Variants in ORC3 observed in about 807,000 individuals in gnomAD.
ORC3 encodes origin recognition complex subunit 3.
A neutral mutation model predicts 100.7 loss-of-function variants in ORC3; 78 were observed. That is an observed-to-expected ratio of 0.77 (90% confidence interval 0.65 to 0.94). ORC3 has a LOEUF of 0.94. Among genes scored for constraint, ORC3 ranks in the 40% least tolerant of loss-of-function variants. The pLI, the probability that ORC3 is intolerant of heterozygous loss-of-function variation, is 0.00. For missense variants in ORC3, 789 were observed against 823.9 expected (o/e 0.96, Z 0.52); for synonymous variants, 295 against 289.3 (o/e 1.02, Z -0.20).
Position 87,612,116 on chromosome 6 carries a change from A to G in ORC3, c.741A>G (p.Ile247Met). Residue 247 changes from isoleucine to methionine, a missense_variant, in exon 8 of 20, where the codon ATA becomes ATG. By Grantham distance (10) the Ile-to-Met change is conservative (BLOSUM62 1). Coordinates refer to ENST00000392844, the MANE Select transcript of ORC3 (RefSeq NM_012381.4). ...SSQHLHEFPL[I>M]LIFGIATSPI... is the part of the protein sequence containing the mutation. ...AACATCTCCATGAATTTCCACTAAT[A>G]CTCATTTTTGGAATAGCCACATCTC... 1 of 1,612,002 alleles carries G rather than the reference A, an allele frequency of 6.2e-7. No individual in the cohort carries two copies. The highest frequency in any genetic ancestry group is 8.5e-7 in the Non-Finnish European group (1 of 1,179,536).
intron 11 of ORC3, 103 bp downstream of exon 11, chr6:87,622,116 A>G: frequency 1.3e-6 from 1 of 770,868 alleles, no homozygotes; most frequent in Non-Finnish European, 2.2e-6. Flanking sequence ...TGTGCATCTT[A>G]ATATTTATAC....
intron 11 of ORC3, among the ~76,000 whole-genome samples, chr6:87,628,373 T>C (rs2128272468): frequency 6.6e-6 from 1 of 152,332 alleles, no homozygotes; most frequent in Middle Eastern, 3.4e-3. Context: ...CAATGTACAT[T>C]TGTAGGTGAT....
At chr6:87,614,675 G>T (rs909726951) in intron 8 of ORC3, among the ~76,000 whole-genome samples, 12 of 152,122 alleles carry the variant, frequency 7.9e-5, no homozygotes, top group Non-Finnish European at 1.6e-4. Flanking sequence ...CAAGTTCAAA[G>T]TTCCACAAAT....
Position 87,597,089 on chromosome 6 carries a change from A to G in ORC3, c.79+2682A>G, listed in dbSNP as rs537818252. 3.3e-5 allele frequency among the ~76,000 whole-genome samples: 5 copies of G among 152,292 alleles called. No individual in the cohort carries two copies. In the South Asian group the frequency reaches 1.0e-3, roughly 32 times the overall value. On this transcript the variant is annotated intron_variant, in intron 2 of 19. Transcript: ENST00000392844. ...TCTTGGGACCAGAAGTGTTTTGGTT[A>G]TTGGAATTTTTTCAGATTTTGAAAT... is the stretch of plus-strand genomic sequence containing the variant.
intron 11 of ORC3, among the ~76,000 whole-genome samples, chr6:87,631,681 G>A (rs139887624): frequency 6.6e-6 from 1 of 151,772 alleles, no homozygotes; most frequent in Admixed American, 6.6e-5. Context: ...TTACTAGAGA[G>A]GGGGTTTTGC....
At chr6:87,627,896 C>G (rs1780041174) in intron 11 of ORC3, among the ~76,000 whole-genome samples, 1 of 152,148 alleles carries the variant, frequency 6.6e-6, no homozygotes, top group East Asian at 1.9e-4. Flanking sequence ...ACCTCATTTT[C>G]TTAAGCTAGA....
intron 13 of ORC3, among the ~76,000 whole-genome samples, chr6:87,643,891 A>G (rs1018215901): frequency 3.9e-5 from 6 of 152,008 alleles, no homozygotes; most frequent in African/African-American, 7.2e-5. Context: ...AATCATGTCT[A>G]CTTTTTACTT....
intron 11 of ORC3, among the ~76,000 whole-genome samples, chr6:87,627,587 C>T (rs1780017378): frequency 6.6e-6 from 1 of 152,012 alleles, no homozygotes; most frequent in Non-Finnish European, 1.5e-5. Context: ...TGAGCCACCA[C>T]ACCCAGCCAA....
At chr6:87,596,324 C>T (rs1324821651) in intron 2 of ORC3, among the ~76,000 whole-genome samples, 9 of 151,616 alleles carry the variant, frequency 5.9e-5, no homozygotes, top group East Asian at 1.9e-4. Flanking sequence ...TAGTAGAGAT[C>T]GGGTTTCACT....
At chr6:87,663,426 T>C (rs987304106) in intron 17 of ORC3, among the ~76,000 whole-genome samples, 3 of 152,236 alleles carry the variant, frequency 2.0e-5, no homozygotes, top group African/African-American at 7.2e-5. Flanking sequence ...CTTGAGAGTA[T>C]AATGTTACCA....
At chr6:87,651,952 G>A (rs1769304828) in intron 13 of ORC3, among the ~76,000 whole-genome samples, 1 of 150,040 alleles carries the variant, frequency 6.7e-6, no homozygotes, top group Non-Finnish European at 1.5e-5. Context: ...AGGCTGGAGT[G>A]CAGTGTCGTG....
intron 16 of ORC3, among the ~76,000 whole-genome samples, chr6:87,662,167 GTAATCC>G (rs1770233799): frequency 6.6e-6 from 1 of 152,190 alleles, no homozygotes; most frequent in African/African-American, 2.4e-5. Context: ...GCTCACACCT[GTAATCC>G]CAGCACTTTG....
At chr6:87,648,963 T>C (rs1227340537) in intron 13 of ORC3, among the ~76,000 whole-genome samples, 1 of 152,154 alleles carries the variant, frequency 6.6e-6, no homozygotes, top group African/African-American at 2.4e-5. Context: ...TAAACATTGT[T>C]GTACAGTGTA....
At chr6:87,603,765 C>T (rs1469567996) in intron 4 of ORC3, among the ~76,000 whole-genome samples, 1 of 152,260 alleles carries the variant, frequency 6.6e-6, no homozygotes, top group South Asian at 2.1e-4. Context: ...AGCTAATGTT[C>T]TCCCCAACTT....
chr6:87,637,115 T>C (rs974693194), intron 13 of ORC3, among the ~76,000 whole-genome samples: 1 of 152,208 alleles, frequency 6.6e-6, no homozygotes, highest in African/African-American at 2.4e-5. Flanking sequence ...TGGATAGTTA[T>C]AAGGGGAAAT....
chr6:87,647,218 C>T (rs972335122), intron 13 of ORC3, among the ~76,000 whole-genome samples: 7 of 152,170 alleles, frequency 4.6e-5, no homozygotes, highest in African/African-American at 1.7e-4. Flanking sequence ...AGAGTAAAAG[C>T]CGTATACAGT....
At chr6:87,640,970 G>A (rs756956383) in intron 13 of ORC3, among the ~76,000 whole-genome samples, 10 of 152,036 alleles carry the variant, frequency 6.6e-5, no homozygotes, top group Non-Finnish European at 1.2e-4. Context: ...TTAGCCAGGC[G>A]TGGTGGCAAG....
rs201626366 is a variant in ORC3, at chr6:87,598,108, C to T, written c.80-3676C>T. 8.5e-5 allele frequency among the ~76,000 whole-genome samples: 13 copies of T among 152,304 alleles called. No individual in the cohort carries two copies. In the East Asian group the frequency reaches 2.3e-3, roughly 27 times the overall value. On this transcript the variant is annotated intron_variant, in intron 2 of 19. Transcript: ENST00000392844. ...GCAGTGGCACAATCATAGTCCACTG[C>T]AAACTTGAGCTCCTGGGCTCCGGGA...
intron 14 of ORC3, among the ~76,000 whole-genome samples, chr6:87,656,271 A>G (rs149912961): frequency 6.6e-6 from 1 of 152,300 alleles, no homozygotes; most frequent in East Asian, 1.9e-4. Flanking sequence ...TATTTTTTTA[A>G]AAAGCTATGT....
Sources: gnomAD v4.1 joint callset for allele counts (sites outside exome capture counted in the v4.1 genomes callset) on GRCh38, gnomAD v4.1.1 for gene constraint, MANE v1.5 for transcripts, NCBI Gene and HGNC (gene_info 2026-07-23, HGNC 2026-07-21) for gene names.